Variants in GNB4 observed in about 807,000 individuals in gnomAD.
GNB4 encodes the protein guanine nucleotide-binding protein subunit beta-4.
A neutral mutation model predicts 45.2 loss-of-function variants in GNB4; 28 were observed. The ratio of observed to expected loss-of-function variants is 0.62; its 90% confidence interval spans 0.46 to 0.85. The LOEUF (loss-of-function observed/expected upper bound fraction) is 0.85, where lower values mean the gene tolerates loss of function less well. Ranked by LOEUF, GNB4 falls within the 40% of genes least tolerant of loss-of-function variation. The pLI is 0.00. For synonymous variants in GNB4, 132 were observed against 143.7 expected (o/e 0.92, Z 0.58); for missense variants, 321 against 425.4 (o/e 0.75, Z 2.16).
the GNB4 span, among the ~76,000 whole-genome samples, chr3:179,486,346 A>G: frequency 1.3e-5 from 2 of 152,150 alleles, no homozygotes; most frequent in African/African-American, 4.8e-5. Context: ...TATTTGCTTA[A>G]TAAATCCCGT....
At chr3:179,489,622 C>A in the GNB4 span, among the ~76,000 whole-genome samples, 1 of 151,954 alleles carries the variant, frequency 6.6e-6, no homozygotes, top group East Asian at 1.9e-4. Flanking sequence ...GCCTGGGTGA[C>A]AAAGTGAGAC....
chr3:179,514,480 T>A, the GNB4 span, among the ~76,000 whole-genome samples: 4,757 of 152,244 alleles, frequency 0.031, 216 homozygotes, highest in African/African-American at 0.1. Context: ...GGTGTGAAGC[T>A]GACAGAGTGT....
the GNB4 span, among the ~76,000 whole-genome samples, chr3:179,461,337 A>G: frequency 3.9e-5 from 6 of 152,152 alleles, no homozygotes; most frequent in Non-Finnish European, 8.8e-5. Flanking sequence ...CTCTACTAAA[A>G]ATACAAAAAA....
the GNB4 span, among the ~76,000 whole-genome samples, chr3:179,463,102 T>C: frequency 3.9e-5 from 6 of 152,166 alleles, no homozygotes; most frequent in African/African-American, 1.4e-4. Flanking sequence ...TATTGTTTGT[T>C]TGGGGTTCAA....
At chr3:179,483,999 A>G in the GNB4 span, among the ~76,000 whole-genome samples, 1 of 152,218 alleles carries the variant, frequency 6.6e-6, no homozygotes, top group Non-Finnish European at 1.5e-5. Context: ...AGCTCAAAAA[A>G]GGACATTAGA....
At chr3:179,407,543 T>A (rs1340343515) in intron 8 of GNB4, among the ~76,000 whole-genome samples, 1 of 152,112 alleles carries the variant, frequency 6.6e-6, no homozygotes, top group Non-Finnish European at 1.5e-5. Context: ...TGAAAGTTTA[T>A]AAAGGTCATG....
At chr3:179,469,191 C>T in the GNB4 span, among the ~76,000 whole-genome samples, 8 of 152,134 alleles carry the variant, frequency 5.3e-5, no homozygotes, top group African/African-American at 1.9e-4. Flanking sequence ...TGCATGAAAC[C>T]AAGCTGTAGC....
the GNB4 span, among the ~76,000 whole-genome samples, chr3:179,474,931 G>A: frequency 6.9e-3 from 1,037 of 150,410 alleles, 16 homozygotes; most frequent in African/African-American, 0.024. Flanking sequence ...ACTGGGTACC[G>A]TATAAAGAAA....
At chr3:179,466,042 G>A in the GNB4 span, among the ~76,000 whole-genome samples, 2 of 124,608 alleles carry the variant, frequency 1.6e-5, no homozygotes, top group African/African-American at 6.1e-5. Context: ...ATTGAGTCTC[G>A]CTCTGTTGCC....
the GNB4 span, among the ~76,000 whole-genome samples, chr3:179,500,144 T>C: frequency 6.6e-6 from 1 of 152,250 alleles, no homozygotes; most frequent in South Asian, 2.1e-4. Flanking sequence ...GTTTTAGTCA[T>C]GAAGTCTTTG....
the GNB4 span, among the ~76,000 whole-genome samples, chr3:179,469,988 T>A: frequency 6.6e-6 from 1 of 152,166 alleles, no homozygotes; most frequent in African/African-American, 2.4e-5. Context: ...TTCACAGTGA[T>A]CCCATAGATT....
chr3:179,470,909 G>A, the GNB4 span, among the ~76,000 whole-genome samples: 5 of 152,298 alleles, frequency 3.3e-5, no homozygotes, highest in South Asian at 6.2e-4. Flanking sequence ...GCCGGGCGCC[G>A]TGGCTTACGC....
At chr3:179,419,156 T>G (rs1268409741) in intron 4 of GNB4, among the ~76,000 whole-genome samples, 1 of 152,250 alleles carries the variant, frequency 6.6e-6, no homozygotes, top group Non-Finnish European at 1.5e-5. Flanking sequence ...GTCTGCAATG[T>G]TCCACTGCAA....
chr3:179,426,353 G>C, intron 1 of GNB4, 111 bp from the exon 2 acceptor site: 1 of 564,500 alleles, frequency 1.8e-6, no homozygotes. Context: ...ATTCAATGGA[G>C]GTAGTCAATT....
At chr3:179,467,411 C>G in the GNB4 span, among the ~76,000 whole-genome samples, 1 of 152,076 alleles carries the variant, frequency 6.6e-6, no homozygotes, top group Non-Finnish European at 1.5e-5. Flanking sequence ...GGAAGTATAC[C>G]TTGGAAGGGA....
the GNB4 span, among the ~76,000 whole-genome samples, chr3:179,470,433 G>T: frequency 6.6e-6 from 1 of 150,972 alleles, no homozygotes; most frequent in Non-Finnish European, 1.5e-5. Context: ...GTTTGTGTTT[G>T]TGTCTAAGTT....
chr3:179,517,496 C>T, the GNB4 span, among the ~76,000 whole-genome samples: 2 of 152,172 alleles, frequency 1.3e-5, no homozygotes, highest in Non-Finnish European at 2.9e-5. Flanking sequence ...GGTGCCGTGA[C>T]TCGGATCGGG....
At chr3:179,436,592 T>C (rs1218813491) in intron 1 of GNB4, among the ~76,000 whole-genome samples, 1 of 152,158 alleles carries the variant, frequency 6.6e-6, no homozygotes, top group Non-Finnish European at 1.5e-5. Context: ...TTAAAGCTTT[T>C]ATGATTTTTT....
At chr3:179,403,245 G>T (rs1030764189) in intron 9 of GNB4, among the ~76,000 whole-genome samples, 2 of 149,488 alleles carry the variant, frequency 1.3e-5, no homozygotes, top group African/African-American at 2.5e-5. Flanking sequence ...GTATGAATAA[G>T]AATTAACACT....
Sources: gnomAD v4.1 joint callset for allele counts (sites outside exome capture counted in the v4.1 genomes callset) on GRCh38, gnomAD v4.1.1 for gene constraint, MANE v1.5 for transcripts, NCBI Gene and HGNC (gene_info 2026-07-23, HGNC 2026-07-21) for gene names.